DCLRE1C: variants seen among roughly 807,000 people sequenced by gnomAD.
DCLRE1C encodes protein artemis.
A neutral mutation model predicts 61.4 loss-of-function variants in DCLRE1C; 47 were observed. The observed-to-expected ratio is 0.77, with a 90% confidence interval of 0.61 to 0.98. The LOEUF is 0.98. DCLRE1C is among the 50% of genes least tolerant of loss of function. The pLI is 0.00. For missense variants in DCLRE1C, 858 were observed against 816.0 expected, an observed-to-expected ratio of 1.05 and a Z score of -0.63; for synonymous variants, 337 against 287.6, an observed-to-expected ratio of 1.17 and a Z score of -1.74.
rs1834607178 is a variant in DCLRE1C, at chr10:14,908,119, C to T, written c.*289G>A. 2.9e-6 allele frequency: 1 copy of T among 347,376 alleles called. No homozygotes were observed. The highest frequency in any genetic ancestry group is 4.8e-5 in the Admixed American group (1 of 20,844). 21.5% of individuals were successfully genotyped at this position (347,376 alleles called of 1,614,324 possible). A position where few individuals can be genotyped will look rare whatever the true frequency, so the allele number is the denominator to read the frequency against. The stretch of plus-strand genomic sequence containing the variant: ...CACTGCAGCCTCAATCTCCTGGGCT[C>T]AAGTGATCCTCAAGGGCCTCCAGAG... On this transcript the variant is annotated 3_prime_UTR_variant, in exon 14 of 14. Coordinates refer to ENST00000378278, the MANE Select transcript of DCLRE1C (RefSeq NM_001033855.3).
intron 5 of DCLRE1C, 99 bp downstream of exon 5, chr10:14,936,439 C>T: frequency 2.2e-6 from 2 of 922,250 alleles, no homozygotes; most frequent in South Asian, 1.4e-5. Context: ...TGTGCCACTG[C>T]ACCCAGCCCC....
At chr10:14,912,650 C>A (rs182349063) in intron 13 of DCLRE1C, among the ~76,000 whole-genome samples, 1 of 152,082 alleles carries the variant, frequency 6.6e-6, no homozygotes, top group Non-Finnish European at 1.5e-5. Context: ...AAAGATAATG[C>A]GAAATAAAAG....
At position 14,927,152 on chromosome 10, in the gene DCLRE1C, C is replaced by T. The variant is rs569734980; in HGVS notation, c.918-255G>A. Among the ~76,000 whole-genome samples the T allele has an allele frequency of 9.9e-5, 15 of 152,234 alleles. No homozygotes were observed. In the East Asian group the frequency reaches 1.7e-3, roughly 18 times the overall value. On this transcript the variant is annotated intron_variant, in intron 10 of 13. Coordinates refer to ENST00000378278, the MANE Select transcript of DCLRE1C (RefSeq NM_001033855.3). Reference sequence around the variant, plus strand: ...ATCCCAGCACTATGGGAGGCCGACGCGTACGGATTGCCTGAGCTCAGGAGT... The same window carrying T: ...ATCCCAGCACTATGGGAGGCCGACGTGTACGGATTGCCTGAGCTCAGGAGT...
intron 4 of DCLRE1C, among the ~76,000 whole-genome samples, chr10:14,937,831 T>A (rs1411907607): frequency 1.4e-5 from 2 of 148,028 alleles, no homozygotes; most frequent in Non-Finnish European, 3.0e-5. Flanking sequence ...GAGGTAGAGG[T>A]TGCAGTGAGC....
chr10:14,953,388 C>T (rs1002582566), intron 1 of DCLRE1C, among the ~76,000 whole-genome samples: 1 of 152,118 alleles, frequency 6.6e-6, no homozygotes, highest in Non-Finnish European at 1.5e-5. Context: ...GGAAACATCC[C>T]TCCAACCTAA....
At chr10:14,917,505 A>G (rs1421048605) in intron 13 of DCLRE1C, among the ~76,000 whole-genome samples, 1 of 152,082 alleles carries the variant, frequency 6.6e-6, no homozygotes, top group African/African-American at 2.4e-5. Flanking sequence ...AAAACAAAAA[A>G]AACTTGTATC....
chr10:14,934,561 C>T (rs759901493), intron 7 of DCLRE1C, 41 bp from the exon 8 acceptor site: 17 of 1,613,860 alleles, frequency 1.1e-5, no homozygotes, highest in African/African-American at 5.3e-5. Context: ...GGTGGAGAGC[C>T]GCACATAGCC....
Position 14,936,530 on chromosome 10 carries a change from C to T in DCLRE1C, c.362+8G>A, listed in dbSNP as rs1564446480. 2 of 1,607,862 alleles carry T rather than the reference C, an allele frequency of 1.2e-6. No homozygotes were observed. Among genetic ancestry groups the T allele is most frequent in the Non-Finnish European group, 1.7e-6 (2 of 1,174,802 alleles). ...ATAATAAAATGACAAAATAAATGAC[C>T]CCCTTACATAACTGATCCCGGACAG... On this transcript the variant is annotated splice_region_variant and intron_variant, in intron 5 of 13. Coordinates refer to ENST00000378278, the MANE Select transcript of DCLRE1C (RefSeq NM_001033855.3).
chr10:14,924,727 G>C lies in DCLRE1C; in HGVS notation c.973-1658C>G, dbSNP rs41298928. The stretch of plus-strand genomic sequence containing the variant: ...GCTGGGTGTGGTCGTGGGCGCCGTA[G>C]TCCCAGCTACTCAAGAAGTTGAGGC... On this transcript the variant is annotated intron_variant, in intron 11 of 13. Transcript: ENST00000378278. 8.1e-3 allele frequency among the ~76,000 whole-genome samples: 1,237 copies of C among 151,906 alleles called. 23 individuals carry two copies. The highest frequency in any genetic ancestry group is 0.028 in the African/African-American group (1,158 of 41,430).
In DCLRE1C at chr10:14,908,509, C is replaced by G. The variant is rs1834688531; in HGVS notation, c.1978G>C (p.Glu660Gln). The G allele has an allele frequency of 1.2e-6, 2 of 1,614,080 alleles. No homozygotes were observed. Among genetic ancestry groups the G allele is most frequent in the Non-Finnish European group, 1.7e-6 (2 of 1,180,030 alleles). Residue 660 changes from glutamate (E) to glutamine (Q), a missense_variant, in exon 14 of 14, where the codon GAG becomes CAG. Glu to Gln is a conservative substitution (Grantham distance 29, BLOSUM62 2). Transcript: ENST00000378278. ...DFEVPSTPEA[E>Q]LPKREHLQYL... is the part of the protein sequence containing the mutation. ...TGTAAATGCTCTCGTTTAGGTAACTCAGCTTCTGGAGTTGAGGGAACTTCA... is the reference window on the plus strand; with the variant it reads ...TGTAAATGCTCTCGTTTAGGTAACTGAGCTTCTGGAGTTGAGGGAACTTCA...
chr10:14,938,431 A>G (rs1840334126), intron 4 of DCLRE1C, among the ~76,000 whole-genome samples: 2 of 152,116 alleles, frequency 1.3e-5, no homozygotes, highest in African/African-American at 4.8e-5. Flanking sequence ...TTCAACTTCA[A>G]CTGTCTGATC....
At chr10:14,923,356 T>C (rs893825639) in intron 11 of DCLRE1C, 3 of 373,632 alleles carry the variant, frequency 8.0e-6, no homozygotes, top group African/African-American at 6.2e-5. Flanking sequence ...GAATCACCAA[T>C]GGGACTCAAA....
chr10:14,953,861 C>T (rs1359409195), intron 1 of DCLRE1C, 41 bp downstream of exon 1: 24 of 1,611,688 alleles, frequency 1.5e-5, no homozygotes, highest in Non-Finnish European at 1.9e-5. Context: ...CTCTCCAGCC[C>T]CCAGCGCCCC....
At position 14,908,412 on chromosome 10, in the gene DCLRE1C, G is replaced by GT. The variant is rs1834666278; in HGVS notation, c.2074dup (p.Thr692AsnfsTer10). The GT allele has an allele frequency of 6.2e-7, 1 of 1,607,310 alleles. No homozygotes were observed. Among genetic ancestry groups the GT allele is most frequent in the East Asian group, 2.2e-5 (1 of 44,824 alleles). On this transcript the variant is annotated frameshift_variant, in exon 14 of 14. Transcript: ENST00000378278. LOFTEE classifies it high-confidence loss of function. ...AGGTTGAAACGCTTTGAATTCTTAG[G>GT]TATCTAAGAGTGAGCATTTTCTTTT...
At chr10:14,954,309 G>A, upstream of DCLRE1C, 2 of 506,872 alleles carry the variant, frequency 3.9e-6, no homozygotes, top group Non-Finnish European at 3.6e-6. Context: ...GCTCTGGTAA[G>A]GCGTTGCCCA....
At chr10:14,939,117 G>A (rs929090336) in intron 4 of DCLRE1C, among the ~76,000 whole-genome samples, 3 of 152,046 alleles carry the variant, frequency 2.0e-5, no homozygotes, top group African/African-American at 7.2e-5. Flanking sequence ...ACTATGGGAG[G>A]ACACAGGGAA....
chr10:14,903,741 T>C (rs1419932148), downstream of DCLRE1C: 1 of 152,172 alleles, frequency 6.6e-6, no homozygotes, highest in African/African-American at 2.4e-5. Flanking sequence ...AGATTTCTAA[T>C]TGTGTTGTGA....
intron 12 of DCLRE1C, among the ~76,000 whole-genome samples, chr10:14,921,971 T>A (rs1837192264): frequency 6.6e-6 from 1 of 152,210 alleles, no homozygotes; most frequent in African/African-American, 2.4e-5. Context: ...TCTGTCCCCA[T>A]CGGGGTCTGC....
chr10:14,917,358 C>G (rs1418958381), intron 13 of DCLRE1C, among the ~76,000 whole-genome samples: 1 of 150,438 alleles, frequency 6.6e-6, no homozygotes, highest in Non-Finnish European at 1.5e-5. Context: ...AGATATGATA[C>G]AAAAAAAAGT....
Sources: gnomAD v4.1 joint callset for allele counts (sites outside exome capture counted in the v4.1 genomes callset) on GRCh38, gnomAD v4.1.1 for gene constraint, MANE v1.5 for transcripts, NCBI Gene and HGNC (gene_info 2026-07-23, HGNC 2026-07-21) for gene names.